SBF2: variants seen among roughly 807,000 people sequenced by gnomAD.
The protein encoded by SBF2 is SET binding factor 2.
In SBF2, 112 loss-of-function variants were observed where a neutral mutation model predicts 225.2. The ratio of observed to expected loss-of-function variants is 0.50; its 90% CI spans 0.43 to 0.58. The LOEUF (loss-of-function observed/expected upper bound fraction) is 0.58, where lower values mean the gene tolerates loss of function less well. Among genes scored for constraint, SBF2 ranks in the 20% least tolerant of loss-of-function variants. SBF2 has a pLI of 0.00. For synonymous variants in SBF2, 763 were observed against 773.3 expected, an observed-to-expected ratio of 0.99 and a Z score of 0.22; for missense variants, 1,996 against 2,206.2, an observed-to-expected ratio of 0.90 and a Z score of 1.91.
At chr11:10,291,984 G>C (rs1242593643) in intron 1 of SBF2, among the ~76,000 whole-genome samples, 2 of 152,164 alleles carry the variant, frequency 1.3e-5, no homozygotes, top group Admixed American at 6.5e-5. Context: ...CAAATTGAGG[G>C]GGCAGCCTAC....
At chr11:10,220,623 A>C (rs1591244191) in intron 1 of SBF2, among the ~76,000 whole-genome samples, 1 of 152,132 alleles carries the variant, frequency 6.6e-6, no homozygotes, top group African/African-American at 2.4e-5. Flanking sequence ...TAACATGCAA[A>C]TTTGAAATCA....
chr11:10,176,839 T>G (rs1414644081), intron 2 of SBF2, among the ~76,000 whole-genome samples: 1 of 152,198 alleles, frequency 6.6e-6, no homozygotes, highest in Non-Finnish European at 1.5e-5. Context: ...TAACTCATTT[T>G]ATGAGGCCAG....
At chr11:10,047,070 T>C (rs1949892800) in intron 2 of SBF2, among the ~76,000 whole-genome samples, 2 of 152,034 alleles carry the variant, frequency 1.3e-5, no homozygotes, top group South Asian at 4.1e-4. Flanking sequence ...TCTAACAAGA[T>C]ACGCAAAAGA....
intron 17 of SBF2, among the ~76,000 whole-genome samples, chr11:9,892,428 C>T (rs1301275007): frequency 6.6e-6 from 1 of 152,152 alleles, no homozygotes; most frequent in Admixed American, 6.5e-5. Flanking sequence ...TCCCTGGCCC[C>T]TGACCCTCAT....
chr11:9,846,630 A>G (rs960333228), intron 23 of SBF2, among the ~76,000 whole-genome samples: 5 of 152,228 alleles, frequency 3.3e-5, no homozygotes, highest in Admixed American at 2.6e-4. Flanking sequence ...AGATGACAAG[A>G]TAATTGCTTT....
At chr11:9,977,338 T>C (rs1946742174) in intron 13 of SBF2, among the ~76,000 whole-genome samples, 1 of 151,664 alleles carries the variant, frequency 6.6e-6, no homozygotes, top group African/African-American at 2.4e-5. Flanking sequence ...TTACAAAAAA[T>C]TAGCTAGGCA....
intron 2 of SBF2, among the ~76,000 whole-genome samples, chr11:10,138,608 T>C (rs535539321): frequency 1.2e-4 from 18 of 152,218 alleles, no homozygotes; most frequent in African/African-American, 4.3e-4. Context: ...GTACTGTAAG[T>C]TTCCATCTGA....
chr11:10,280,054 G>A (rs575350567), intron 1 of SBF2, among the ~76,000 whole-genome samples: 1 of 152,240 alleles, frequency 6.6e-6, no homozygotes, highest in African/African-American at 2.4e-5. Flanking sequence ...GGATTTTTAA[G>A]TATTTGCATT....
intron 1 of SBF2, among the ~76,000 whole-genome samples, chr11:10,268,952 A>G (rs1962240005): frequency 6.6e-6 from 1 of 152,168 alleles, no homozygotes; most frequent in South Asian, 2.1e-4. Context: ...CTTCGTCTTC[A>G]TGAAGCTATG....
chr11:9,849,968 C>A, intron 22 of SBF2, 55 bp downstream of exon 22: 2 of 1,500,934 alleles, frequency 1.3e-6, no homozygotes, highest in East Asian at 2.3e-5. Flanking sequence ...CAGATGGGAT[C>A]GAGACCTCAT....
At chr11:9,826,353 C>G (rs1201700775) in intron 28 of SBF2, among the ~76,000 whole-genome samples, 1 of 152,090 alleles carries the variant, frequency 6.6e-6, no homozygotes, top group East Asian at 1.9e-4. Context: ...GGTGAGTGGA[C>G]TACAACCATT....
At chr11:10,253,992 T>G (rs182542827) in intron 1 of SBF2, among the ~76,000 whole-genome samples, 35 of 152,216 alleles carry the variant, frequency 2.3e-4, no homozygotes, top group African/African-American at 8.4e-4. Flanking sequence ...AAATAGCAAG[T>G]GTTGGTGAGG....
rs34539770 is a variant in SBF2, at chr11:10,166,989, A to ACACACACACACACACACAC, written c.141+26912_141+26913insGTGTGTGTGTGTGTGTGTG. On this transcript the variant is annotated intron_variant, in intron 2 of 39. Transcript: ENST00000256190. The stretch of plus-strand genomic sequence containing the variant: ...CACACACACACACACACACACACAC[A>ACACACACACACACACACAC]AAAAGGCTACTAATTGAAAAGTTCA... 1.3e-4 allele frequency among the ~76,000 whole-genome samples: 19 copies of ACACACACACACACACACAC among 151,476 alleles called. No individual in the cohort carries two copies. The East Asian group carries it at 1.4e-3, about 11-fold the overall frequency.
At chr11:10,111,047 G>T (rs887338225) in intron 2 of SBF2, among the ~76,000 whole-genome samples, 1 of 151,972 alleles carries the variant, frequency 6.6e-6, no homozygotes, top group Non-Finnish European at 1.5e-5. Flanking sequence ...CAAATTACAG[G>T]AGTATAAATA....
chr11:9,784,302 T>A (rs1852223225), intron 38 of SBF2, 49 bp downstream of exon 38: 1 of 1,368,950 alleles, frequency 7.3e-7, no homozygotes, highest in African/African-American at 1.4e-5. Context: ...AGCCAGGGAC[T>A]GGGACTAGCC....
chr11:9,896,954 T>C (rs1002707927), intron 16 of SBF2, among the ~76,000 whole-genome samples: 1 of 152,184 alleles, frequency 6.6e-6, no homozygotes, highest in African/African-American at 2.4e-5. Flanking sequence ...AGTATAGCGA[T>C]TCCACACATG....
intron 2 of SBF2, among the ~76,000 whole-genome samples, chr11:10,058,213 G>T (rs1208360458): frequency 3.3e-5 from 5 of 152,142 alleles, no homozygotes; most frequent in Admixed American, 6.5e-5. Flanking sequence ...TAGGAACAAA[G>T]ATCAGTAAGA....
chr11:10,171,163 T>G (rs758204679), intron 2 of SBF2, among the ~76,000 whole-genome samples: 2 of 152,148 alleles, frequency 1.3e-5, no homozygotes, highest in Admixed American at 6.5e-5. Context: ...TAGCTAGAAC[T>G]TCCAGTACTA....
chr11:10,100,012 T>C (rs1042125556), intron 2 of SBF2, among the ~76,000 whole-genome samples: 2 of 152,220 alleles, frequency 1.3e-5, no homozygotes, highest in African/African-American at 4.8e-5. Context: ...ATAATTACTT[T>C]AAATTGCAAA....
Sources: gnomAD v4.1 joint callset for allele counts (sites outside exome capture counted in the v4.1 genomes callset) on GRCh38, gnomAD v4.1.1 for gene constraint, MANE v1.5 for transcripts, NCBI Gene and HGNC (gene_info 2026-07-23, HGNC 2026-07-21) for gene names.